Variants in ATP8A2 observed in about 807,000 individuals in gnomAD.
ATP8A2 encodes ATPase phospholipid transporting 8A2.
A neutral mutation model predicts 165.6 loss-of-function variants in ATP8A2; 100 were observed. That is an observed-to-expected ratio of 0.60 (90% CI 0.51 to 0.71). The LOEUF (loss-of-function observed/expected upper bound fraction) is 0.71. ATP8A2 is among the 30% of genes least tolerant of loss of function. ATP8A2 has a pLI of 0.00. For synonymous variants in ATP8A2, 543 were observed against 548.8 expected, an observed-to-expected ratio of 0.99 and a Z score of 0.15; for missense variants, 1,227 against 1,479.5, an observed-to-expected ratio of 0.83 and a Z score of 2.80.
chr13:25,406,148 G>C (rs750131878), intron 1 of ATP8A2, among the ~76,000 whole-genome samples: 1 of 152,216 alleles, frequency 6.6e-6, no homozygotes, highest in African/African-American at 2.4e-5. Flanking sequence ...AGACGCTGAA[G>C]AAAGAGGTTG....
chr13:25,861,447 A>G (rs1952349005), intron 32 of ATP8A2, among the ~76,000 whole-genome samples: 3 of 152,182 alleles, frequency 2.0e-5, no homozygotes, highest in Admixed American at 2.0e-4. Context: ...TATTTTAGAC[A>G]TTTTGGTTAT....
At chr13:25,434,346 C>T (rs1285555709) in intron 1 of ATP8A2, among the ~76,000 whole-genome samples, 1 of 150,770 alleles carries the variant, frequency 6.6e-6, no homozygotes, top group Non-Finnish European at 1.5e-5. Context: ...TTTCTTTTCT[C>T]TCTCTTTTTT....
intron 2 of ATP8A2, among the ~76,000 whole-genome samples, chr13:25,487,241 C>A (rs954609337): frequency 1.3e-5 from 2 of 152,124 alleles, no homozygotes; most frequent in Non-Finnish European, 2.9e-5. Context: ...CACAGGCTGT[C>A]ATGTACCTCT....
At chr13:25,593,331 C>T (rs1402427790) in intron 24 of ATP8A2, among the ~76,000 whole-genome samples, 1 of 152,144 alleles carries the variant, frequency 6.6e-6, no homozygotes, top group East Asian at 1.9e-4. Flanking sequence ...CCACACCTGG[C>T]CCCTATCAGT....
chr13:25,580,054 C>G, intron 22 of ATP8A2, 107 bp downstream of exon 22: 1 of 1,296,916 alleles, frequency 7.7e-7, no homozygotes, highest in Non-Finnish European at 1.1e-6. Context: ...GTTCTCTTTT[C>G]TTGTGTCTTA....
At chr13:25,524,929 TC>T (rs1258055140) in intron 2 of ATP8A2, among the ~76,000 whole-genome samples, 43 of 151,228 alleles carry the variant, frequency 2.8e-4, no homozygotes, top group African/African-American at 9.7e-4. Context: ...CTTCCTTCCT[TC>T]CTTCCTTCTT....
At chr13:25,972,344 T>C (rs1013862010) in intron 35 of ATP8A2, among the ~76,000 whole-genome samples, 5 of 152,244 alleles carry the variant, frequency 3.3e-5, no homozygotes, top group African/African-American at 1.2e-4. Flanking sequence ...ACCTGTGGAA[T>C]TGATACTTTA....
At chr13:25,628,265 G>A (rs1593682595) in intron 24 of ATP8A2, among the ~76,000 whole-genome samples, 1 of 152,064 alleles carries the variant, frequency 6.6e-6, no homozygotes, top group African/African-American at 2.4e-5. Context: ...TTACAGTTGA[G>A]GTCCATTGGG....
intron 24 of ATP8A2, among the ~76,000 whole-genome samples, chr13:25,649,868 G>T (rs2041769127): frequency 6.6e-6 from 1 of 152,050 alleles, no homozygotes; most frequent in South Asian, 2.1e-4. Context: ...ACTGTTAGCT[G>T]GTACCTCTAA....
chr13:25,747,733 G>T (rs1054350071), intron 25 of ATP8A2, among the ~76,000 whole-genome samples: 1 of 152,110 alleles, frequency 6.6e-6, no homozygotes, highest in Non-Finnish European at 1.5e-5. Context: ...AAAATCCCCC[G>T]AAGTATGGAT....
intron 1 of ATP8A2, among the ~76,000 whole-genome samples, chr13:25,426,176 T>G (rs561236001): frequency 6.6e-6 from 1 of 151,920 alleles, no homozygotes; most frequent in African/African-American, 2.4e-5. Context: ...ATAAAAGAGG[T>G]TTAACTGGCT....
intron 25 of ATP8A2, among the ~76,000 whole-genome samples, chr13:25,763,924 A>T (rs1287732210): frequency 1.3e-5 from 2 of 152,218 alleles, no homozygotes; most frequent in African/African-American, 4.8e-5. Context: ...TTTAGACTCA[A>T]ATATCACATG....
intron 1 of ATP8A2, among the ~76,000 whole-genome samples, chr13:25,403,336 T>C (rs1203868570): frequency 1.3e-5 from 2 of 152,168 alleles, no homozygotes; most frequent in Non-Finnish European, 2.9e-5. Context: ...GGTATTTTGT[T>C]ACAGCGGGAG....
intron 24 of ATP8A2, among the ~76,000 whole-genome samples, chr13:25,632,113 A>T (rs568247905): frequency 1.3e-5 from 2 of 152,252 alleles, no homozygotes; most frequent in East Asian, 3.9e-4. Flanking sequence ...ATCATAAAGG[A>T]TGTTATGGAT....
intron 1 of ATP8A2, among the ~76,000 whole-genome samples, chr13:25,373,642 C>G (rs1458729187): frequency 6.6e-6 from 1 of 152,098 alleles, no homozygotes; most frequent in Non-Finnish European, 1.5e-5. Flanking sequence ...CAAAGATGCC[C>G]CCAAGGGTTT....
At chr13:25,967,640 T>G (rs1458405801) in intron 34 of ATP8A2, among the ~76,000 whole-genome samples, 7 of 152,234 alleles carry the variant, frequency 4.6e-5, no homozygotes, top group Non-Finnish European at 7.3e-5. Context: ...TTCAGTCTGG[T>G]GTGTTACTAA....
At chr13:25,762,563 T>G (rs951230968) in intron 25 of ATP8A2, among the ~76,000 whole-genome samples, 1 of 152,166 alleles carries the variant, frequency 6.6e-6, no homozygotes, top group Non-Finnish European at 1.5e-5. Context: ...GTTGTTTATA[T>G]GAAAGTTAAG....
intron 25 of ATP8A2, among the ~76,000 whole-genome samples, chr13:25,717,418 T>TAAAAAAAAAAAAAAA (rs55732375): frequency 2.3e-4 from 22 of 94,972 alleles, no homozygotes; most frequent in African/African-American, 6.0e-4. Context: ...CTGAAAAAAC[T>TAAAAAAAAAAAAAAA]AAAAAAAAAA....
At chr13:25,658,704 A>G (rs1358354331) in intron 24 of ATP8A2, among the ~76,000 whole-genome samples, 1 of 152,218 alleles carries the variant, frequency 6.6e-6, no homozygotes, top group Non-Finnish European at 1.5e-5. Context: ...AAAATTATCA[A>G]GAGATTCAGT....
Sources: allele counts gnomAD v4.1 joint callset (sites outside exome capture counted in the v4.1 genomes callset), GRCh38; gene constraint gnomAD v4.1.1; transcripts MANE v1.5; gene names NCBI Gene and HGNC (gene_info 2026-07-23, HGNC 2026-07-21).